The following CEMIP2 variants were observed in gnomAD, a reference collection of about 807,000 sequenced individuals.
CEMIP2 encodes the protein cell migration inducing hyaluronidase 2, also known as cell surface hyaluronidase CEMIP2.
Under a neutral mutation model 146.9 loss-of-function variants are expected in CEMIP2, and 79 were observed. That is an observed-to-expected ratio of 0.54 (90% CI 0.45 to 0.65). The LOEUF (loss-of-function observed/expected upper bound fraction) is 0.65. Ranked by LOEUF, CEMIP2 falls within the 30% of genes least tolerant of loss-of-function variation. The pLI, the probability that CEMIP2 is intolerant of heterozygous loss-of-function variation, is 0.00. For missense variants in CEMIP2, 1,596 were observed against 1,696.2 expected (o/e 0.94, Z 1.04); for synonymous variants, 601 against 606.3 (o/e 0.99, Z 0.13).
At chr9:71,685,939 G>A (rs959871160) in intron 22 of CEMIP2, 93 bp from the exon 23 acceptor site, 8 of 856,786 alleles carry the variant, frequency 9.3e-6, no homozygotes, top group Middle Eastern at 2.4e-4. Flanking sequence ...CTGCTGAATA[G>A]AAATATTAGA....
At chr9:71,748,913 T>C (rs894896463) in intron 2 of CEMIP2, among the ~76,000 whole-genome samples, 4 of 152,226 alleles carry the variant, frequency 2.6e-5, no homozygotes, top group Admixed American at 2.0e-4. Flanking sequence ...CTCTGAACTG[T>C]TACAGCCACT....
intron 1 of CEMIP2, among the ~76,000 whole-genome samples, chr9:71,760,374 T>A (rs547681645): frequency 6.6e-6 from 1 of 152,242 alleles, no homozygotes; most frequent in African/African-American, 2.4e-5. Flanking sequence ...CTATTTATAA[T>A]GTTTAATGCC....
At chr9:71,769,145 C>T (rs2132060867), upstream of CEMIP2, among the ~76,000 whole-genome samples, 1 of 152,290 alleles carries the variant, frequency 6.6e-6, no homozygotes, top group Admixed American at 6.5e-5. Flanking sequence ...CCTGGGCGCG[C>T]ACACCCGCCT....
chr9:71,685,501 A>G (rs552682572), intron 23 of CEMIP2, 108 bp from the exon 24 acceptor site: 2 of 1,288,688 alleles, frequency 1.6e-6, no homozygotes, highest in East Asian at 2.6e-5. Flanking sequence ...AAAGGCAGCT[A>G]TTAAAAAACT....
intron 5 of CEMIP2, among the ~76,000 whole-genome samples, chr9:71,738,072 C>T (rs941362506): frequency 6.6e-6 from 1 of 152,000 alleles, no homozygotes; most frequent in Non-Finnish European, 1.5e-5. Context: ...TCTTTCAAAG[C>T]CTCTATATTA....
intron 1 of CEMIP2, among the ~76,000 whole-genome samples, chr9:71,759,444 G>A (rs916537812): frequency 3.9e-5 from 6 of 152,176 alleles, no homozygotes; most frequent in African/African-American, 1.4e-4. Context: ...TTGATTCACA[G>A]GAGAAAAGAC....
At position 71,704,763 on chromosome 9, in the gene CEMIP2, G is replaced by A; in HGVS notation, c.3026C>T (p.Thr1009Ile). 6.2e-7 allele frequency: 1 copy of A among 1,614,124 alleles called. No homozygotes were observed. Among genetic ancestry groups the A allele is most frequent in the Non-Finnish European group, 8.5e-7 (1 of 1,180,012 alleles). Residue 1009 changes from threonine to isoleucine, a missense_variant, in exon 18 of 24, where the codon ACC becomes ATC. Transcript: ENST00000377044. The part of the protein sequence containing the change: ...QTWSTQNLSM[T>I]ITRDEYPSNP... Reference sequence around the variant, plus strand: ...GGACGGATACTCATCTCGTGTAATGGTCATAGAAAGATTCTGAGTGCTCCA... The same window carrying A: ...GGACGGATACTCATCTCGTGTAATGATCATAGAAAGATTCTGAGTGCTCCA...
At chr9:71,758,188 C>G (rs938051388) in intron 1 of CEMIP2, among the ~76,000 whole-genome samples, 1 of 152,102 alleles carries the variant, frequency 6.6e-6, no homozygotes, top group Admixed American at 6.6e-5. Context: ...ATGGTTGAAA[C>G]AATTAAGTCA....
chr9:71,706,501 T>G (rs1366198782), intron 17 of CEMIP2, among the ~76,000 whole-genome samples: 1 of 152,198 alleles, frequency 6.6e-6, no homozygotes, highest in Non-Finnish European at 1.5e-5. Flanking sequence ...ACAGAATTAC[T>G]ACTCTGATTT....
chr9:71,732,568 CATG>C, intron 6 of CEMIP2, 48 bp from the exon 7 acceptor site: 1 of 1,485,442 alleles, frequency 6.7e-7, no homozygotes, highest in South Asian at 1.5e-5. Context: ...ACAAAGAAAA[CATG>C]AAACTCACTT....
At chr9:71,760,884 C>T (rs767255931) in intron 1 of CEMIP2, among the ~76,000 whole-genome samples, 3 of 152,216 alleles carry the variant, frequency 2.0e-5, no homozygotes, top group Admixed American at 6.5e-5. Context: ...ATTCTCTATT[C>T]CCTTCGGTTT....
intron 4 of CEMIP2, among the ~76,000 whole-genome samples, chr9:71,742,904 C>T (rs1053367911): frequency 6.6e-6 from 1 of 152,104 alleles, no homozygotes; most frequent in African/African-American, 2.4e-5. Flanking sequence ...TATATTCATA[C>T]GACAGAAAAT....
At chr9:71,754,292 C>T (rs968586287) in intron 1 of CEMIP2, among the ~76,000 whole-genome samples, 1 of 152,154 alleles carries the variant, frequency 6.6e-6, no homozygotes, top group African/African-American at 2.4e-5. Flanking sequence ...GTTTCCCAGG[C>T]AATCTCAACA....
chr9:71,711,721 A>G (rs1187608831), intron 16 of CEMIP2, among the ~76,000 whole-genome samples: 4 of 152,244 alleles, frequency 2.6e-5, no homozygotes, highest in African/African-American at 9.6e-5. Context: ...GTAAAATAGC[A>G]GGAAGGATCC....
chr9:71,741,101 G>A (rs1401090611), intron 4 of CEMIP2, among the ~76,000 whole-genome samples: 1 of 150,960 alleles, frequency 6.6e-6, no homozygotes, highest in Non-Finnish European at 1.5e-5. Context: ...CCTTCTTCCT[G>A]ACATAATTGA....
At chr9:71,725,842 T>A in intron 10 of CEMIP2, 133 bp from the exon 11 acceptor site, 1 of 1,024,498 alleles carries the variant, frequency 9.8e-7, no homozygotes, top group Non-Finnish European at 1.4e-6. Flanking sequence ...AGGTTCAGAA[T>A]TGACAATAAA....
chr9:71,685,414 GAAAAA>G, intron 23 of CEMIP2, 21 bp from the exon 24 acceptor site: 1 of 697,026 alleles, frequency 1.4e-6, no homozygotes, highest in Non-Finnish European at 2.0e-6. Context: ...AAAAAAAAAA[GAAAAA>G]GAAAAAAAAT....
intron 17 of CEMIP2, among the ~76,000 whole-genome samples, chr9:71,708,978 G>A (rs1055831696): frequency 1.3e-5 from 2 of 152,078 alleles, no homozygotes; most frequent in Non-Finnish European, 2.9e-5. Flanking sequence ...TCCCAACTAC[G>A]TTCCAACCAC....
At position 71,756,257 on chromosome 9, in the gene CEMIP2, T is replaced by TGG. The variant is rs1824446169; in HGVS notation, c.-12-5873_-12-5872insCC. Among the ~76,000 whole-genome samples, 3 of 144,866 alleles carry TGG rather than the reference T, an allele frequency of 2.1e-5. No individual in the cohort carries two copies. The South Asian group carries it at 6.6e-4, about 32-fold the overall frequency. Reference sequence around the variant, plus strand: ...ATAGGTGTATATATATATATATATATGTATATATACACACGTATATGTATA... The same window carrying TGG: ...ATAGGTGTATATATATATATATATATGGGTATATATACACACGTATATGTATA... On this transcript the variant is annotated intron_variant, in intron 1 of 23. Coordinates refer to ENST00000377044, the MANE Select transcript of CEMIP2 (RefSeq NM_013390.3).
Sources: allele counts gnomAD v4.1 joint callset (sites outside exome capture counted in the v4.1 genomes callset), GRCh38; gene constraint gnomAD v4.1.1; transcripts MANE v1.5; gene names NCBI Gene and HGNC (gene_info 2026-07-23, HGNC 2026-07-21).